The following CNTN4 variants were observed in gnomAD, a reference collection of about 807,000 sequenced individuals.
CNTN4 encodes contactin 4.
A neutral mutation model predicts 122.5 loss-of-function variants in CNTN4; 77 were observed. The observed-to-expected ratio is 0.63, with a 90% CI of 0.52 to 0.76. The LOEUF (loss-of-function observed/expected upper bound fraction) is 0.76, where lower values mean the gene tolerates loss of function less well. Ranked by LOEUF, CNTN4 falls within the 30% of genes least tolerant of loss-of-function variation. The pLI is 0.00. For missense variants in CNTN4, 1,256 were observed against 1,259.1 expected (o/e 1.00, Z 0.04); for synonymous variants, 512 against 447.0 (o/e 1.15, Z -1.83).
chr3:2,713,729 C>T (rs2087298112), intron 4 of CNTN4, among the ~76,000 whole-genome samples: 1 of 152,092 alleles, frequency 6.6e-6, no homozygotes, highest in Non-Finnish European at 1.5e-5. Context: ...AATAGGCTCA[C>T]TTGTAAAATG....
intron 6 of CNTN4, among the ~76,000 whole-genome samples, chr3:2,763,093 C>A (rs1307972913): frequency 2.0e-5 from 3 of 152,062 alleles, no homozygotes; most frequent in Non-Finnish European, 2.9e-5. Flanking sequence ...AGGCACGTGC[C>A]ACCACGCCCA....
chr3:2,870,966 C>T (rs2093777571), intron 8 of CNTN4, among the ~76,000 whole-genome samples: 1 of 152,050 alleles, frequency 6.6e-6, no homozygotes, highest in Non-Finnish European at 1.5e-5. Flanking sequence ...GACCATTTAC[C>T]ACTCACCCGA....
At chr3:2,117,858 TG>T (rs1559258093) in intron 2 of CNTN4, among the ~76,000 whole-genome samples, 1 of 152,244 alleles carries the variant, frequency 6.6e-6, no homozygotes, top group African/African-American at 2.4e-5. Flanking sequence ...TTTAACAATG[TG>T]TCCCACATCA....
intron 2 of CNTN4, among the ~76,000 whole-genome samples, chr3:2,293,503 C>T (rs536347175): frequency 6.6e-6 from 1 of 152,308 alleles, no homozygotes; most frequent in African/African-American, 2.4e-5. Flanking sequence ...AGGCAAGTTA[C>T]TTAATTTCCC....
At chr3:2,150,445 A>T (rs530235676) in intron 2 of CNTN4, among the ~76,000 whole-genome samples, 2 of 152,294 alleles carry the variant, frequency 1.3e-5, no homozygotes, top group Admixed American at 1.3e-4. Flanking sequence ...AACTATAAGT[A>T]TCTTCACCCA....
intron 3 of CNTN4, among the ~76,000 whole-genome samples, chr3:2,482,780 C>A (rs1190329282): frequency 6.6e-6 from 1 of 152,216 alleles, no homozygotes; most frequent in Non-Finnish European, 1.5e-5. Context: ...CCTCTGTATA[C>A]ACAGAAGTCA....
intron 2 of CNTN4, among the ~76,000 whole-genome samples, chr3:2,272,783 G>T (rs938455038): frequency 6.8e-6 from 1 of 146,134 alleles, no homozygotes; most frequent in South Asian, 2.3e-4. Context: ...AAGGAGCATT[G>T]TAAGGGTAGC....
intron 7 of CNTN4, among the ~76,000 whole-genome samples, chr3:2,826,486 G>A (rs2092991680): frequency 6.6e-6 from 1 of 152,196 alleles, no homozygotes; most frequent in African/African-American, 2.4e-5. Flanking sequence ...GCTGGACCAT[G>A]CTGTATTTAC....
At chr3:2,596,295 A>G (rs1054504717) in intron 4 of CNTN4, among the ~76,000 whole-genome samples, 4 of 152,210 alleles carry the variant, frequency 2.6e-5, no homozygotes, top group African/African-American at 7.2e-5. Flanking sequence ...TTACACACAA[A>G]TTAATTTACT....
intron 2 of CNTN4, among the ~76,000 whole-genome samples, chr3:2,112,986 C>T (rs1163252186): frequency 6.6e-6 from 1 of 152,126 alleles, no homozygotes; most frequent in African/African-American, 2.4e-5. Context: ...AGTAATTCTT[C>T]TGAGCACCAG....
chr3:3,042,329 C>A lies in CNTN4; in HGVS notation c.2418C>A (p.Ala806=). ...CTACAGAACCCACCAAACCACCAGC[C>A]AGTATCTTTGCCAGAAGTCTTTCTG... ...SAEEEPTKPP[A]SIFARSLSAT... is the part of the protein sequence containing the mutation. Residue 806 remains alanine, a synonymous_variant, in exon 21 of 25, where the codon GCC becomes GCA. Transcript: ENST00000418658. 1 of 1,614,096 alleles carries A rather than the reference C, an allele frequency of 6.2e-7. No individual in the cohort carries two copies. Among genetic ancestry groups the A allele is most frequent in the Non-Finnish European group, 8.5e-7 (1 of 1,179,934 alleles).
At chr3:2,468,079 C>T (rs903158340) in intron 3 of CNTN4, among the ~76,000 whole-genome samples, 1 of 152,104 alleles carries the variant, frequency 6.6e-6, no homozygotes, top group African/African-American at 2.4e-5. Context: ...TGAATTGAGT[C>T]CCTTCTTTGT....
chr3:2,296,835 T>C (rs2042333573), intron 2 of CNTN4, among the ~76,000 whole-genome samples: 1 of 150,644 alleles, frequency 6.6e-6, no homozygotes, highest in Admixed American at 6.6e-5. Context: ...AGGTAGAAAA[T>C]TGGATTGTAA....
rs181472121 is a variant in CNTN4, at chr3:2,315,764, G to C, written c.-144-23414G>C. ...TGAACATTAGTAAGACATTTAACTA[G>C]TGTTGAGTCTTGGAGCTATTAACTA... On this transcript the variant is annotated intron_variant, in intron 2 of 24. Transcript: ENST00000418658. Among the ~76,000 whole-genome samples, 5 of 152,040 alleles carry C rather than the reference G, an allele frequency of 3.3e-5. No individual in the cohort carries two copies. The East Asian group carries it at 9.7e-4, about 29-fold the overall frequency.
intron 3 of CNTN4, among the ~76,000 whole-genome samples, chr3:2,549,934 G>A (rs1226719703): frequency 1.3e-5 from 2 of 152,092 alleles, no homozygotes; most frequent in South Asian, 2.1e-4. Flanking sequence ...TTGGGAGGGT[G>A]TATGTATCCA....
intron 6 of CNTN4, among the ~76,000 whole-genome samples, chr3:2,815,124 C>A (rs1366302529): frequency 2.6e-5 from 4 of 152,174 alleles, no homozygotes; most frequent in Non-Finnish European, 5.9e-5. Context: ...AGACCTGAAA[C>A]TATAAACATT....
At chr3:2,724,215 T>C (rs1161948672) in intron 4 of CNTN4, among the ~76,000 whole-genome samples, 4 of 152,192 alleles carry the variant, frequency 2.6e-5, no homozygotes, top group African/African-American at 9.6e-5. Flanking sequence ...CAGGACTTTC[T>C]AGTTTCAGTC....
intron 4 of CNTN4, among the ~76,000 whole-genome samples, chr3:2,626,985 C>T (rs1276978679): frequency 6.6e-6 from 1 of 152,232 alleles, no homozygotes; most frequent in Non-Finnish European, 1.5e-5. Flanking sequence ...ACTCAGTCTG[C>T]CCTTGGTTCC....
intron 2 of CNTN4, among the ~76,000 whole-genome samples, chr3:2,199,253 A>G (rs114572076): frequency 1.1e-4 from 16 of 151,836 alleles, no homozygotes; most frequent in African/African-American, 3.6e-4. Context: ...CTGTGACTCC[A>G]CCCTCTACTT....
Sources: allele counts gnomAD v4.1 joint callset (sites outside exome capture counted in the v4.1 genomes callset), GRCh38; gene constraint gnomAD v4.1.1; transcripts MANE v1.5; gene names NCBI Gene and HGNC (gene_info 2026-07-23, HGNC 2026-07-21).